The following BIRC6 variants were observed in gnomAD, a reference collection of about 807,000 sequenced individuals.
BIRC6 encodes the protein dual E2 ubiquitin-conjugating enzyme/E3 ubiquitin-protein ligase BIRC6.
A neutral mutation model predicts 503.3 loss-of-function variants in BIRC6; 98 were observed. That is an observed-to-expected ratio of 0.19 (90% CI 0.17 to 0.23). The LOEUF (loss-of-function observed/expected upper bound fraction) is 0.23, where lower values mean the gene tolerates loss of function less well. Ranked by LOEUF, BIRC6 falls within the 10% of genes least tolerant of loss-of-function variation. The pLI is 1.00. For missense variants in BIRC6, 5,360 were observed against 5,806.0 expected (o/e 0.92, Z 2.50); for synonymous variants, 2,240 against 2,078.7 (o/e 1.08, Z -2.11).
chr2:32,468,838 G>T, intron 29 of BIRC6, 55 bp downstream of exon 29: 1 of 1,312,822 alleles, frequency 7.6e-7, no homozygotes, highest in Non-Finnish European at 1.0e-6. Flanking sequence ...ATGTGATTTC[G>T]CTGCATGTTT....
chr2:32,443,160 T>C (rs1339076862), intron 19 of BIRC6, among the ~76,000 whole-genome samples: 1 of 152,222 alleles, frequency 6.6e-6, no homozygotes, highest in Non-Finnish European at 1.5e-5. Flanking sequence ...TGACCATGTG[T>C]AACTGAAACT....
At chr2:32,484,879 TAATG>T (rs2050820711) in intron 39 of BIRC6, among the ~76,000 whole-genome samples, 1 of 152,158 alleles carries the variant, frequency 6.6e-6, no homozygotes, top group Non-Finnish European at 1.5e-5. Flanking sequence ...AGTTCACTGT[TAATG>T]AAGATATTCA....
At chr2:32,520,034 T>C (rs571078878) in intron 57 of BIRC6, among the ~76,000 whole-genome samples, 25 of 152,350 alleles carry the variant, frequency 1.6e-4, no homozygotes, top group African/African-American at 5.8e-4. Context: ...CATTATAACA[T>C]GAATATAAGT....
In BIRC6 at chr2:32,415,289, G is replaced by A. The variant is rs374981003; in HGVS notation, c.1998G>A (p.Gln666=). 19 of 1,613,906 alleles carry A rather than the reference G, an allele frequency of 1.2e-5. No homozygotes were observed. Among genetic ancestry groups the A allele is most frequent in the Non-Finnish European group, 1.6e-5 (19 of 1,179,902 alleles). ...ATGATGATGGTTTTACTGTTCCACA[G>A]ATTATTGAAATGGAGCTGGATAGTC... ...SLHDDGFTVP[Q]IIEMELDSQE... Residue 666 remains glutamine, a synonymous_variant, in exon 10 of 74, where the codon CAG becomes CAA. Coordinates refer to ENST00000421745, the MANE Select transcript of BIRC6 (RefSeq NM_016252.4).
intron 2 of BIRC6, among the ~76,000 whole-genome samples, chr2:32,378,092 G>T (rs774189460): frequency 1.3e-5 from 2 of 152,072 alleles, no homozygotes; most frequent in Non-Finnish European, 2.9e-5. Flanking sequence ...GGCCATCATT[G>T]CCAACCTCAA....
At chr2:32,502,021 T>C in intron 47 of BIRC6, 133 bp downstream of exon 47, 1 of 816,674 alleles carries the variant, frequency 1.2e-6, no homozygotes, top group East Asian at 2.9e-5. Flanking sequence ...ACAAGAGGGC[T>C]GTGGATTATT....
intron 65 of BIRC6, chr2:32,564,598 A>G (rs532073405): frequency 6.6e-6 from 1 of 152,340 alleles, no homozygotes; most frequent in Admixed American, 6.5e-5. Flanking sequence ...ATGACTAAGT[A>G]TGTTAAGCAT....
At chr2:32,421,655 CT>C (rs1467860107) in intron 10 of BIRC6, among the ~76,000 whole-genome samples, 2 of 152,110 alleles carry the variant, frequency 1.3e-5, no homozygotes, top group Non-Finnish European at 2.9e-5. Context: ...AGATTTCTTT[CT>C]GTTCTGGATC....
At chr2:32,429,326 A>G (rs932988856) in intron 11 of BIRC6, 31 bp downstream of exon 11, 4 of 1,410,806 alleles carry the variant, frequency 2.8e-6, no homozygotes, top group African/African-American at 1.5e-5. Context: ...ATGATTTTAA[A>G]AAAAGAATAG....
chr2:32,473,724 TG>T (rs2049361681), intron 33 of BIRC6, among the ~76,000 whole-genome samples: 3 of 138,978 alleles, frequency 2.2e-5, no homozygotes, highest in Admixed American at 7.2e-5. Flanking sequence ...TGTGTGTGTG[TG>T]TGTGTGTGTG....
intron 70 of BIRC6, among the ~76,000 whole-genome samples, chr2:32,602,122 G>A (rs977293168): frequency 5.3e-5 from 8 of 152,102 alleles, no homozygotes; most frequent in Admixed American, 2.6e-4. Context: ...TCAGAATCTC[G>A]AAGAGATATT....
chr2:32,611,678 T>A, intron 73 of BIRC6, 96 bp downstream of exon 73: 1 of 1,182,096 alleles, frequency 8.5e-7, no homozygotes, highest in Non-Finnish European at 1.1e-6. Flanking sequence ...AGGGAGGGAA[T>A]TAAAGAAACA....
intron 20 of BIRC6, among the ~76,000 whole-genome samples, chr2:32,444,621 C>T (rs552834181): frequency 2.0e-5 from 3 of 152,182 alleles, no homozygotes; most frequent in Admixed American, 6.5e-5. Context: ...CACAGTGGCT[C>T]ACACTTGTAA....
intron 15 of BIRC6, among the ~76,000 whole-genome samples, chr2:32,436,743 T>C (rs912860041): frequency 6.6e-5 from 10 of 152,138 alleles, no homozygotes; most frequent in Non-Finnish European, 1.3e-4. Flanking sequence ...TTTGTAGTTT[T>C]AGTAGAGATG....
chr2:32,375,424 G>A (rs2036597079), intron 1 of BIRC6, among the ~76,000 whole-genome samples: 2 of 151,980 alleles, frequency 1.3e-5, no homozygotes, highest in Non-Finnish European at 2.9e-5. Flanking sequence ...CACTCAGGAG[G>A]ATGGCTTGAG....
intron 57 of BIRC6, among the ~76,000 whole-genome samples, chr2:32,520,061 G>A (rs1303943343): frequency 6.6e-6 from 1 of 152,176 alleles, no homozygotes; most frequent in South Asian, 2.1e-4. Context: ...ATTTCTATCT[G>A]TATACATAAG....
chr2:32,527,753 T>G (rs575285552), intron 59 of BIRC6: 24 of 152,372 alleles, frequency 1.6e-4, no homozygotes, highest in African/African-American at 5.5e-4. Flanking sequence ...GAAGTAGATG[T>G]CAAAGAAGTT....
At chr2:32,615,481 A>T (rs2151799125) in intron 73 of BIRC6, among the ~76,000 whole-genome samples, 1 of 152,036 alleles carries the variant, frequency 6.6e-6, no homozygotes, top group South Asian at 2.1e-4. Flanking sequence ...AGAATTTTAG[A>T]CTCCATAAGC....
chr2:32,586,805 A>G (rs1192438620), intron 66 of BIRC6, among the ~76,000 whole-genome samples: 1 of 152,124 alleles, frequency 6.6e-6, no homozygotes, highest in African/African-American at 2.4e-5. Flanking sequence ...GGCACATTAC[A>G]TTTAGTAACT....
Sources: gnomAD v4.1 joint callset for allele counts (sites outside exome capture counted in the v4.1 genomes callset) on GRCh38, gnomAD v4.1.1 for gene constraint, MANE v1.5 for transcripts, NCBI Gene and HGNC (gene_info 2026-07-23, HGNC 2026-07-21) for gene names.